The following IL1RAPL2 variants were observed in gnomAD, a reference collection of about 807,000 sequenced individuals.
IL1RAPL2 encodes the protein X-linked interleukin-1 receptor accessory protein-like 2.
In IL1RAPL2, 3 loss-of-function variants were observed where a neutral mutation model predicts 44.1. The observed-to-expected ratio is 0.07, with a 90% CI of 0.03 to 0.18. The LOEUF (loss-of-function observed/expected upper bound fraction) is 0.18. IL1RAPL2 is among the 10% of genes least tolerant of loss of function. The pLI is 1.00. For synonymous variants in IL1RAPL2, 181 were observed against 178.8 expected (o/e 1.01, Z -0.10); for missense variants, 391 against 496.4 (o/e 0.79, Z 2.02).
chrX:104,870,231 C>T (rs767310636), intron 2 of IL1RAPL2, among the ~76,000 whole-genome samples: 17 of 112,261 alleles, frequency 1.5e-4, no homozygotes, highest in African/African-American at 5.2e-4. Context: ...TGTATTTTCT[C>T]ATTTTATCCT....
At chrX:105,392,781 GTGT>G (rs774666737) in intron 5 of IL1RAPL2, among the ~76,000 whole-genome samples, 4 of 112,452 alleles carry the variant, frequency 3.6e-5, no homozygotes, top group Non-Finnish European at 5.6e-5. Flanking sequence ...TTGTGCTGAA[GTGT>G]TGTTGAATGT....
chrX:105,742,062 C>T (rs1012873429), intron 8 of IL1RAPL2, among the ~76,000 whole-genome samples: 3 of 111,328 alleles, frequency 2.7e-5, no homozygotes, highest in African/African-American at 9.8e-5. Flanking sequence ...TTATTTCGGG[C>T]TTAGAGATCC....
At chrX:104,617,495 G>A (rs1929303458) in intron 1 of IL1RAPL2, among the ~76,000 whole-genome samples, 1 of 111,908 alleles carries the variant, frequency 8.9e-6, no homozygotes, top group African/African-American at 3.2e-5. Flanking sequence ...TCTCAGGAAT[G>A]CCAATAATTT....
At chrX:104,585,386 TTATATATAATATATAATA>T (rs1928536924) in intron 1 of IL1RAPL2, among the ~76,000 whole-genome samples, 1 of 24,810 alleles carries the variant, frequency 4.0e-5, no homozygotes, top group African/African-American at 4.0e-4. Context: ...ATAATATATA[TTATATATAATATATAATA>T]TATATATAAT....
intron 2 of IL1RAPL2, among the ~76,000 whole-genome samples, chrX:105,040,475 T>C (rs373644810): frequency 4.5e-5 from 5 of 111,360 alleles, no homozygotes; most frequent in Admixed American, 3.8e-4. Flanking sequence ...CCTCCTTGTA[T>C]CTCTGGTAGA....
At chrX:104,786,166 G>T (rs1342380883) in intron 2 of IL1RAPL2, among the ~76,000 whole-genome samples, 1 of 111,734 alleles carries the variant, frequency 8.9e-6, no homozygotes, top group African/African-American at 3.3e-5. Context: ...ATATGCCTTT[G>T]CCTGTTTGTA....
intron 2 of IL1RAPL2, among the ~76,000 whole-genome samples, chrX:105,026,801 A>T: frequency 9.0e-6 from 1 of 110,820 alleles, no homozygotes. Flanking sequence ...CCCCTATAAA[A>T]ATACCAGTGA....
chrX:104,833,335 T>A (rs1010200120), intron 2 of IL1RAPL2, among the ~76,000 whole-genome samples: 5 of 111,666 alleles, frequency 4.5e-5, no homozygotes, highest in African/African-American at 1.6e-4. Flanking sequence ...AGAAACGGGG[T>A]CTTACTATGT....
intron 2 of IL1RAPL2, among the ~76,000 whole-genome samples, chrX:104,849,741 T>C (rs761218412): frequency 4.7e-4 from 52 of 111,395 alleles, no homozygotes; most frequent in Admixed American, 7.7e-4. Context: ...TTGAATATAT[T>C]TTAATTTTTA....
chrX:105,033,291 G>A (rs897692324), intron 2 of IL1RAPL2, among the ~76,000 whole-genome samples: 6 of 111,274 alleles, frequency 5.4e-5, no homozygotes, highest in African/African-American at 9.8e-5. Flanking sequence ...TATTTTGTTC[G>A]TTAGTTGATG....
intron 10 of IL1RAPL2, among the ~76,000 whole-genome samples, chrX:105,758,615 G>A (rs770522878): frequency 2.0e-4 from 22 of 111,633 alleles, no homozygotes; most frequent in African/African-American, 7.2e-4. Flanking sequence ...TGAGTGTTCC[G>A]ATCTGGACAT....
At chrX:105,673,747 G>A (rs760186460) in intron 6 of IL1RAPL2, among the ~76,000 whole-genome samples, 6 of 111,958 alleles carry the variant, frequency 5.4e-5, no homozygotes, top group Middle Eastern at 4.6e-3. Context: ...TTGCCACACC[G>A]TCTTCCACAA....
intron 2 of IL1RAPL2, among the ~76,000 whole-genome samples, chrX:104,811,952 G>C (rs1433564346): frequency 9.0e-6 from 1 of 110,914 alleles, no homozygotes; most frequent in Non-Finnish European, 1.9e-5. Flanking sequence ...CCTCTTTTCT[G>C]TCAGTTCTGC....
intron 2 of IL1RAPL2, among the ~76,000 whole-genome samples, chrX:104,790,092 A>G (rs546256982): frequency 8.9e-6 from 1 of 112,299 alleles, no homozygotes; most frequent in African/African-American, 3.2e-5. Context: ...TGCTGCATGC[A>G]TGCATTGGTC....
chrX:105,339,501 A>T (rs1203711283), intron 5 of IL1RAPL2, among the ~76,000 whole-genome samples: 1 of 111,750 alleles, frequency 8.9e-6, no homozygotes, highest in East Asian at 2.8e-4. Context: ...TATGGGTAGG[A>T]GGATAAGGGG....
intron 2 of IL1RAPL2, among the ~76,000 whole-genome samples, chrX:105,146,950 AT>A (rs2033185283): frequency 9.0e-6 from 1 of 111,636 alleles, no homozygotes; most frequent in African/African-American, 3.3e-5. Context: ...CTGATTTGTG[AT>A]TGGTTGAGTA....
At chrX:105,428,598 G>A (rs2035827156) in intron 5 of IL1RAPL2, among the ~76,000 whole-genome samples, 1 of 111,415 alleles carries the variant, frequency 9.0e-6, no homozygotes, top group South Asian at 3.7e-4. Flanking sequence ...AACAATCAAT[G>A]GTATTTACAA....
chrX:105,288,758 CA>C (rs745912879), intron 5 of IL1RAPL2, among the ~76,000 whole-genome samples: 13 of 110,728 alleles, frequency 1.2e-4, no homozygotes, highest in Non-Finnish European at 2.3e-4. Flanking sequence ...TGCTTTTTGA[CA>C]TTAAATTTGT....
At chrX:105,382,783 G>T (rs917976669) in intron 5 of IL1RAPL2, among the ~76,000 whole-genome samples, 83 of 107,085 alleles carry the variant, frequency 7.8e-4, no homozygotes, top group Non-Finnish European at 1.3e-3. Flanking sequence ...GGAATACTAT[G>T]CAGCCATAAA....
Sources: allele counts gnomAD v4.1 joint callset (sites outside exome capture counted in the v4.1 genomes callset), GRCh38; gene constraint gnomAD v4.1.1; transcripts MANE v1.5; gene names NCBI Gene and HGNC (gene_info 2026-07-23, HGNC 2026-07-21).